EWSR1: variants seen among roughly 807,000 people sequenced by gnomAD.
EWSR1 encodes EWS RNA binding protein 1, also known as RNA-binding protein EWS.
A neutral mutation model predicts 92.1 loss-of-function variants in EWSR1; 14 were observed. That is an observed-to-expected ratio of 0.15 (90% CI 0.10 to 0.24). The LOEUF (loss-of-function observed/expected upper bound fraction) is 0.24. EWSR1 is among the 10% of genes least tolerant of loss of function. EWSR1 has a pLI of 1.00. For synonymous variants in EWSR1, 303 were observed against 292.9 expected, an observed-to-expected ratio of 1.03 and a Z score of -0.35; for missense variants, 637 against 870.9, an observed-to-expected ratio of 0.73 and a Z score of 3.38.
At chr22:29,278,930 G>GGTTA (rs1263148527) in intron 5 of EWSR1, among the ~76,000 whole-genome samples, 1 of 151,998 alleles carries the variant, frequency 6.6e-6, no homozygotes, top group Non-Finnish European at 1.5e-5. Flanking sequence ...GGGAGATGGA[G>GGTTA]GTTACAGTGA....
intron 1 of EWSR1, chr22:29,269,716 C>T (rs1163579309): frequency 6.6e-6 from 1 of 151,964 alleles, no homozygotes; most frequent in Non-Finnish European, 1.5e-5. Context: ...CAAAGAGTGC[C>T]GGTAGAAGAG....
At chr22:29,286,814 T>C in intron 6 of EWSR1, 109 bp from the exon 7 acceptor site, 1 of 741,660 alleles carries the variant, frequency 1.3e-6, no homozygotes, top group South Asian at 1.8e-5. Flanking sequence ...ACTACTGTTT[T>C]ATGGATGTCT....
intron 5 of EWSR1, among the ~76,000 whole-genome samples, chr22:29,280,574 C>G (rs935931595): frequency 6.6e-6 from 1 of 151,946 alleles, no homozygotes; most frequent in Non-Finnish European, 1.5e-5. Flanking sequence ...TTGCCTTACT[C>G]TGGTGTTTCC....
chr22:29,280,759 C>T (rs1170857359), intron 5 of EWSR1, among the ~76,000 whole-genome samples: 3 of 149,594 alleles, frequency 2.0e-5, no homozygotes, highest in East Asian at 2.0e-4. Flanking sequence ...CTGGAGCCTC[C>T]GCCTCCGGGG....
chr22:29,298,658 A>G (rs2061077934), intron 13 of EWSR1, 75 bp from the exon 14 acceptor site: 1 of 1,560,312 alleles, frequency 6.4e-7, no homozygotes, highest in Admixed American at 1.7e-5. Flanking sequence ...GGGTTTACTT[A>G]GTGATTTTTA....
Position 29,268,312 on chromosome 22 carries a change from A to G in EWSR1, c.-25A>G, listed in dbSNP as rs199589576. ...GAAAGCGAGAGGGAGACGGACGTTG[A>G]GAGAACGAGGAGGAAGGAGAGAAAA... On this transcript the variant is annotated 5_prime_UTR_variant, in exon 1 of 17. Coordinates refer to ENST00000397938, the MANE Select transcript of EWSR1 (RefSeq NM_005243.4). The G allele has an allele frequency of 1.5e-5, 25 of 1,613,234 alleles. No homozygotes were observed. The East Asian group carries it at 4.5e-4, about 29-fold the overall frequency.
intron 13 of EWSR1, 111 bp from the exon 14 acceptor site, chr22:29,298,622 G>T (rs2061071583): frequency 2.2e-6 from 3 of 1,336,816 alleles, no homozygotes; most frequent in African/African-American, 1.4e-5. Flanking sequence ...GACAGGTGAT[G>T]GGGAAATGAC....
chr22:29,276,551 C>T (rs2059139077), intron 4 of EWSR1: 1 of 225,630 alleles, frequency 4.4e-6, no homozygotes, highest in Non-Finnish European at 8.8e-6. Flanking sequence ...ACTTTAAGGC[C>T]CTAAATCTTA....
At chr22:29,272,134 C>A in intron 1 of EWSR1, 82 bp from the exon 2 acceptor site, 1 of 1,276,988 alleles carries the variant, frequency 7.8e-7, no homozygotes, top group Non-Finnish European at 1.1e-6. Context: ...ATTCTTCCTG[C>A]CACGTGAATT....
intron 11 of EWSR1, 59 bp downstream of exon 11, chr22:29,292,665 G>C: frequency 9.0e-7 from 1 of 1,107,558 alleles, no homozygotes; most frequent in Admixed American, 1.8e-5. Flanking sequence ...GCATTTTAAA[G>C]AGATTGAATT....
At chr22:29,297,087 C>T (rs2060920742) in intron 12 of EWSR1, among the ~76,000 whole-genome samples, 3 of 152,186 alleles carry the variant, frequency 2.0e-5, no homozygotes. Context: ...GTTCTGTTTT[C>T]TTGGTCATGC....
rs75522603 is a variant in EWSR1 at position 29,277,524 on chromosome 22, A to G, written c.227-506A>G. The G allele has an allele frequency of 1.2e-4, 28 of 228,178 alleles. No individual in the cohort carries two copies. In the East Asian group the frequency reaches 1.7e-3, roughly 14 times the overall value. 14.1% of individuals were successfully genotyped at this position (228,178 alleles called of 1,614,324 possible). A position where few individuals can be genotyped will look rare whatever the true frequency, so the allele number is the denominator to read the frequency against. On this transcript the variant is annotated intron_variant, in intron 4 of 16. Transcript: ENST00000397938. ...CCAAAAGAAAGTGATTAAATTAATT[A>G]CTACCCAAATTACAGGTTTTAGTGC...
At position 29,270,819 on chromosome 22, in the gene EWSR1, T is replaced by A. The variant is rs137856862; in HGVS notation, c.14-1397T>A. On this transcript the variant is annotated intron_variant, in intron 1 of 16. Coordinates refer to ENST00000397938, the MANE Select transcript of EWSR1 (RefSeq NM_005243.4). ...TGGAAAAAATGATCTGCATTTAGTT[T>A]TAATGTCAGAGAGAGTATGACTTGT... Among the ~76,000 whole-genome samples, 4 of 151,976 alleles carry A rather than the reference T, an allele frequency of 2.6e-5. No homozygotes were observed. In the East Asian group the frequency reaches 7.7e-4, roughly 29 times the overall value.
chr22:29,299,422 G>C, intron 15 of EWSR1, 91 bp downstream of exon 15: 1 of 1,527,586 alleles, frequency 6.5e-7, no homozygotes, highest in Non-Finnish European at 8.8e-7. Context: ...GTTGCCCTCT[G>C]CTTAACAACT....
intron 4 of EWSR1, chr22:29,274,207 C>T (rs1449071788): frequency 1.3e-6 from 2 of 1,582,750 alleles, no homozygotes; most frequent in Non-Finnish European, 1.7e-6. Context: ...AACTGGTTTT[C>T]ACATGTTTGC....
intron 1 of EWSR1, among the ~76,000 whole-genome samples, chr22:29,269,918 A>T (rs1176675062): frequency 6.6e-6 from 1 of 152,224 alleles, no homozygotes; most frequent in African/African-American, 2.4e-5. Context: ...GCTGTACTGT[A>T]TTAGAATTAC....
In EWSR1 at chr22:29,291,837, A is replaced by T. The variant is rs371801312; in HGVS notation, c.1012+238A>T. On this transcript the variant is annotated intron_variant, in intron 9 of 16. Transcript: ENST00000397938. Reference sequence around the variant, plus strand: ...GTAATATGGGGGAGAATAAATTTTTAAATTTGGTTTATTTAGAGGAAAAAT... The same window carrying T: ...GTAATATGGGGGAGAATAAATTTTTTAATTTGGTTTATTTAGAGGAAAAAT... The T allele has an allele frequency of 3.9e-4, 228 of 582,650 alleles. No individual in the cohort carries two copies. In the East Asian group the frequency reaches 4.6e-3, roughly 12 times the overall value. The allele number at this position is 582,650 out of a possible 1,614,324, so 36.1% of individuals were successfully genotyped here. A position where few individuals can be genotyped will look rare whatever the true frequency, so the allele number is the denominator to read the frequency against.
intron 4 of EWSR1, chr22:29,274,569 T>G (rs2058954354): frequency 1.7e-5 from 7 of 402,128 alleles, no homozygotes; most frequent in Middle Eastern, 1.2e-3. Flanking sequence ...CCAGCTGATT[T>G]TCCCCTGTTC....
intron 4 of EWSR1, chr22:29,274,319 T>G: frequency 6.2e-7 from 1 of 1,611,078 alleles, no homozygotes; most frequent in Non-Finnish European, 8.5e-7. Flanking sequence ...TGGGAAATGC[T>G]TTCCATCTTG....
Sources: gnomAD v4.1 joint callset for allele counts (sites outside exome capture counted in the v4.1 genomes callset) on GRCh38, gnomAD v4.1.1 for gene constraint, MANE v1.5 for transcripts, NCBI Gene and HGNC (gene_info 2026-07-23, HGNC 2026-07-21) for gene names.